Variants in LMBR1 observed in about 807,000 individuals in gnomAD.
LMBR1 encodes limb development membrane protein 1, also known as limb region 1 protein homolog.
Under a neutral mutation model 73.9 loss-of-function variants are expected in LMBR1, and 52 were observed. The observed-to-expected ratio is 0.70, with a 90% CI of 0.56 to 0.89. The LOEUF (loss-of-function observed/expected upper bound fraction) is 0.89, where lower values mean the gene tolerates loss of function less well. Among genes scored for constraint, LMBR1 ranks in the 40% least tolerant of loss-of-function variants. The probability of loss-of-function intolerance (pLI) is 0.00; values close to 1 mark genes in which losing one functional copy is unlikely to be tolerated. For synonymous variants in LMBR1, 215 were observed against 209.4 expected (o/e 1.03, Z -0.23); for missense variants, 539 against 579.8 (o/e 0.93, Z 0.72).
At chr7:156,888,959 CAGG>C (rs1187823933) in intron 1 of LMBR1, among the ~76,000 whole-genome samples, 4 of 151,824 alleles carry the variant, frequency 2.6e-5, no homozygotes, top group Non-Finnish European at 5.9e-5. Flanking sequence ...GAGGCTGAGG[CAGG>C]AGAATTGCTT....
intron 1 of LMBR1, among the ~76,000 whole-genome samples, chr7:156,851,395 C>G (rs1029918893): frequency 1.3e-5 from 2 of 152,190 alleles, no homozygotes; most frequent in African/African-American, 2.4e-5. Flanking sequence ...ACAGAAAACA[C>G]TAAGACCCTT....
At chr7:156,831,095 C>G (rs1586092316) in intron 3 of LMBR1, among the ~76,000 whole-genome samples, 1 of 152,144 alleles carries the variant, frequency 6.6e-6, no homozygotes, top group South Asian at 2.1e-4. Flanking sequence ...TTAGGGAAGG[C>G]CTCACTGAAA....
At chr7:156,847,779 A>T (rs1207302770) in intron 1 of LMBR1, among the ~76,000 whole-genome samples, 2 of 152,196 alleles carry the variant, frequency 1.3e-5, no homozygotes, top group African/African-American at 4.8e-5. Flanking sequence ...GCTGGTGAGG[A>T]TGTGGGGCAA....
intron 15 of LMBR1, among the ~76,000 whole-genome samples, chr7:156,708,055 A>G (rs1055693643): frequency 6.6e-5 from 10 of 151,702 alleles, no homozygotes; most frequent in South Asian, 2.1e-4. Flanking sequence ...AAAAACTACT[A>G]TCTAGCTGAG....
At chr7:156,805,215 CTTTTTT>C (rs58044015) in intron 4 of LMBR1, among the ~76,000 whole-genome samples, 3 of 122,778 alleles carry the variant, frequency 2.4e-5, no homozygotes, top group Admixed American at 8.6e-5. Context: ...ACATCATGCA[CTTTTTT>C]TTTTTTTTTT....
downstream of LMBR1, chr7:156,675,863 G>A (rs776495880): frequency 6.2e-7 from 1 of 1,611,474 alleles, no homozygotes; most frequent in South Asian, 1.1e-5. Flanking sequence ...TCCAAGTGCA[G>A]GTAGGTTTGG....
chr7:156,884,316 A>G (rs1302337545), intron 1 of LMBR1, among the ~76,000 whole-genome samples: 2 of 152,236 alleles, frequency 1.3e-5, no homozygotes, highest in Non-Finnish European at 2.9e-5. Context: ...ACAATTTCAG[A>G]GAACATCAAT....
At chr7:156,738,473 G>C (rs1409747686) in intron 9 of LMBR1, among the ~76,000 whole-genome samples, 1 of 152,164 alleles carries the variant, frequency 6.6e-6, no homozygotes, top group Non-Finnish European at 1.5e-5. Flanking sequence ...CAGTGGACTA[G>C]GGCAGCATGT....
At chr7:156,694,046 A>T (rs1807779294) in intron 15 of LMBR1, among the ~76,000 whole-genome samples, 1 of 152,220 alleles carries the variant, frequency 6.6e-6, no homozygotes, top group Non-Finnish European at 1.5e-5. Context: ...GAAAGACAAA[A>T]CCACATGATT....
intron 16 of LMBR1, among the ~76,000 whole-genome samples, chr7:156,687,582 T>C (rs1806247542): frequency 6.6e-6 from 1 of 152,218 alleles, no homozygotes; most frequent in Non-Finnish European, 1.5e-5. Flanking sequence ...CTTGAATTTA[T>C]TCTCTGGCTT....
chr7:156,877,239 G>A (rs114934291), intron 1 of LMBR1, among the ~76,000 whole-genome samples: 2,214 of 151,512 alleles, frequency 0.015, 49 homozygotes, highest in African/African-American at 0.05. Context: ...CCAGTAACAA[G>A]CAGCAAGATT....
chr7:156,731,441 A>G (rs1335443704), intron 10 of LMBR1, among the ~76,000 whole-genome samples: 1 of 152,218 alleles, frequency 6.6e-6, no homozygotes, highest in Non-Finnish European at 1.5e-5. Flanking sequence ...AGAAAGATAA[A>G]TACAAAGAAA....
chr7:156,725,902 G>T, intron 12 of LMBR1, 65 bp from the exon 13 acceptor site: 3 of 1,225,786 alleles, frequency 2.4e-6, no homozygotes, highest in Non-Finnish European at 3.5e-6. Flanking sequence ...CCCTAAAACA[G>T]CTGTTTCATA....
At chr7:156,750,451 G>GCT (rs1820664402) in intron 9 of LMBR1, among the ~76,000 whole-genome samples, 1 of 152,128 alleles carries the variant, frequency 6.6e-6, no homozygotes, top group South Asian at 2.1e-4. Context: ...GGCCATAACA[G>GCT]TAAGGGGAAA....
chr7:156,823,157 T>C (rs1218091088), intron 4 of LMBR1: 1 of 150,830 alleles, frequency 6.6e-6, no homozygotes. Context: ...TAAAATGATA[T>C]ATGTATTAGA....
At chr7:156,884,852 C>T (rs1801628385) in intron 1 of LMBR1, among the ~76,000 whole-genome samples, 1 of 152,226 alleles carries the variant, frequency 6.6e-6, no homozygotes, top group African/African-American at 2.4e-5. Flanking sequence ...AACCACTATT[C>T]CCAAGTGGGA....
intron 4 of LMBR1, among the ~76,000 whole-genome samples, chr7:156,819,432 T>C (rs770080708): frequency 2.6e-5 from 4 of 152,210 alleles, no homozygotes; most frequent in Non-Finnish European, 5.9e-5. Flanking sequence ...AATTCACTTT[T>C]GCCAAAATAT....
At chr7:156,868,577 T>C (rs1292687270) in intron 1 of LMBR1, among the ~76,000 whole-genome samples, 2 of 151,812 alleles carry the variant, frequency 1.3e-5, no homozygotes, top group Non-Finnish European at 2.9e-5. Context: ...TCAGGAGAAT[T>C]GCTTGAACCT....
chr7:156,685,551 A>G lies in LMBR1; in HGVS notation c.1388-1388T>C, dbSNP rs1805829277. Reference sequence around the variant, plus strand: ...TGAGTGCTGCAGCCACTGCGGCACCATGGCACATATCTGTGCATCTAGAAA... The same window carrying G: ...TGAGTGCTGCAGCCACTGCGGCACCGTGGCACATATCTGTGCATCTAGAAA... On this transcript the variant is annotated intron_variant, in intron 16 of 16. Transcript: ENST00000353442. This position sits in a 1 kb window ranked among gnomAD's most constrained non-coding sequence, Gnocchi z 4.1. 6.6e-6 allele frequency among the ~76,000 whole-genome samples: 1 copy of G among 152,248 alleles called. No homozygotes were observed. Among genetic ancestry groups the G allele is most frequent in the Admixed American group, 6.5e-5 (1 of 15,288 alleles).
Sources: gnomAD v4.1 joint callset for allele counts (sites outside exome capture counted in the v4.1 genomes callset) on GRCh38, gnomAD v4.1.1 for gene constraint, Gnocchi (gnomAD v3.1) non-coding constraint, MANE v1.5 for transcripts, NCBI Gene and HGNC (gene_info 2026-07-23, HGNC 2026-07-21) for gene names.